MCM9: variants seen among roughly 807,000 people sequenced by gnomAD.
MCM9 encodes DNA helicase MCM9.
MCM9 carries 55 observed loss-of-function variants against 72.8 expected under a neutral mutation model. That is an observed-to-expected ratio of 0.76 (90% CI 0.61 to 0.95). The LOEUF (loss-of-function observed/expected upper bound fraction) is 0.95. MCM9 is among the 40% of genes least tolerant of loss of function. The probability of loss-of-function intolerance (pLI) is 0.00; values close to 1 mark genes in which losing one functional copy is unlikely to be tolerated. For missense variants in MCM9, 1,279 were observed against 1,377.0 expected, an observed-to-expected ratio of 0.93 and a Z score of 1.13; for synonymous variants, 480 against 503.4, an observed-to-expected ratio of 0.95 and a Z score of 0.62.
At chr6:118,886,058 A>T (rs1302862738) in intron 8 of MCM9, among the ~76,000 whole-genome samples, 2 of 147,020 alleles carry the variant, frequency 1.4e-5, no homozygotes, top group African/African-American at 5.3e-5. Flanking sequence ...AAGGGACCAA[A>T]AAAAAAAAAC....
intron 9 of MCM9, among the ~76,000 whole-genome samples, chr6:118,837,327 A>G (rs1049150540): frequency 6.6e-6 from 1 of 152,232 alleles, no homozygotes; most frequent in Non-Finnish European, 1.5e-5. Flanking sequence ...TGTGGTGCTG[A>G]GAAGAATGTA....
At chr6:118,856,258 T>C (rs1776546384) in intron 9 of MCM9, 113 bp downstream of exon 9, 11 of 1,031,506 alleles carry the variant, frequency 1.1e-5, no homozygotes, top group Non-Finnish European at 1.2e-5. Context: ...GGGTGGTAAC[T>C]GATCATCCCA....
intron 9 of MCM9, among the ~76,000 whole-genome samples, chr6:118,841,388 C>G (rs763847333): frequency 2.8e-4 from 43 of 152,152 alleles, no homozygotes; most frequent in Non-Finnish European, 4.7e-4. Context: ...CTCTGGCCCC[C>G]CCTTAACCAG....
chr6:118,868,170 C>T (rs1437069055), intron 8 of MCM9, among the ~76,000 whole-genome samples: 1 of 152,072 alleles, frequency 6.6e-6, no homozygotes, highest in African/African-American at 2.4e-5. Flanking sequence ...CCACTGCACT[C>T]AGCCAATTAA....
At chr6:118,891,252 C>A (rs1440607426) in intron 8 of MCM9, among the ~76,000 whole-genome samples, 2 of 152,166 alleles carry the variant, frequency 1.3e-5, no homozygotes, top group Non-Finnish European at 2.9e-5. Context: ...CCCTTACTGG[C>A]ATGGCTAAAG....
At chr6:118,894,870 C>T (rs1779251613) in intron 8 of MCM9, among the ~76,000 whole-genome samples, 1 of 152,154 alleles carries the variant, frequency 6.6e-6, no homozygotes, top group Non-Finnish European at 1.5e-5. Context: ...CCAACAGCCT[C>T]CGCGACCCTC....
chr6:118,931,275 G>T, intron 3 of MCM9, 145 bp downstream of exon 3: 3 of 704,836 alleles, frequency 4.3e-6, no homozygotes, highest in Admixed American at 3.0e-5. Flanking sequence ...TTATTATTCT[G>T]CTCTAAAAGA....
chr6:118,905,634 C>T, intron 8 of MCM9: 1 of 1,574,658 alleles, frequency 6.4e-7, no homozygotes, highest in East Asian at 2.3e-5. Context: ...TGTTTCTTTT[C>T]TTTTTAATTT....
intron 8 of MCM9, among the ~76,000 whole-genome samples, chr6:118,858,464 T>A (rs1776706223): frequency 6.6e-6 from 1 of 152,088 alleles, no homozygotes; most frequent in African/African-American, 2.4e-5. Flanking sequence ...AAAGCAAGAT[T>A]TTTTTCTTAT....
rs1038932966 is a variant in MCM9, at chr6:118,911,071, C to A, written c.1150+579G>T. 5.1e-6 allele frequency: 5 copies of A among 983,938 alleles called. No homozygotes were observed. The African/African-American group carries it at 8.8e-5, about 17-fold the overall frequency. 61.0% of individuals were successfully genotyped at this position (983,938 alleles called of 1,614,324 possible). On this transcript the variant is annotated intron_variant, in intron 8 of 13. Transcript: ENST00000619706. Reference sequence around the variant, plus strand: ...TTTAAAATAATTTTTTTCTAAATTCCCTGGGTCACTTTATTTATAATCAAA... The same window carrying A: ...TTTAAAATAATTTTTTTCTAAATTCACTGGGTCACTTTATTTATAATCAAA...
intron 8 of MCM9, among the ~76,000 whole-genome samples, chr6:118,904,288 A>T (rs1780014213): frequency 6.6e-6 from 1 of 152,230 alleles, no homozygotes; most frequent in Non-Finnish European, 1.5e-5. Context: ...TTTTTAGCCT[A>T]GGACACTAGG....
chr6:118,843,657 T>TACAC (rs1378043575), intron 9 of MCM9, among the ~76,000 whole-genome samples: 1 of 33,848 alleles, frequency 3.0e-5, no homozygotes, highest in African/African-American at 1.1e-4. Flanking sequence ...TATATATATG[T>TACAC]GTATATATAT....
chr6:118,885,964 T>C (rs534366986), intron 8 of MCM9, among the ~76,000 whole-genome samples: 2 of 151,700 alleles, frequency 1.3e-5, no homozygotes, highest in South Asian at 4.2e-4. Context: ...TTATACACCA[T>C]GACCAAGTGG....
Position 118,815,456 on chromosome 6 carries a change from A to G in MCM9, c.2800T>C (p.Ser934Pro). The G allele has an allele frequency of 5.2e-6, 8 of 1,550,080 alleles. No individual in the cohort carries two copies. The highest frequency in any genetic ancestry group is 7.0e-6 in the Non-Finnish European group (8 of 1,146,856). ...GACACATGGCTGTGATCTTCAAAGG[A>G]GTGGATCAGTTTTGACTTCTGCTTG... Reference protein sequence around the residue: ...TFKQKSKLIHSFEDHSHVSPG... With the variant: ...TFKQKSKLIHPFEDHSHVSPG... Residue 934 changes from serine (S) to proline (P), a missense_variant, in exon 14 of 14, where the codon TCC (serine) becomes CCC (proline). Transcript: ENST00000619706.
At chr6:118,876,942 G>T (rs946871239) in intron 8 of MCM9, among the ~76,000 whole-genome samples, 1 of 152,162 alleles carries the variant, frequency 6.6e-6, no homozygotes, top group Non-Finnish European at 1.5e-5. Flanking sequence ...AGAGCTTTGT[G>T]ACTGCCTTGA....
At chr6:118,886,352 AAGAG>A (rs888227703) in intron 8 of MCM9, among the ~76,000 whole-genome samples, 14 of 151,384 alleles carry the variant, frequency 9.2e-5, no homozygotes, top group African/African-American at 1.7e-4. Flanking sequence ...AAAAAGAAAA[AAGAG>A]AGAGAGAGAG....
At chr6:118,861,369 C>T (rs1776894046) in intron 8 of MCM9, among the ~76,000 whole-genome samples, 1 of 152,230 alleles carries the variant, frequency 6.6e-6, no homozygotes, top group Non-Finnish European at 1.5e-5. Flanking sequence ...TCCTTCTCGT[C>T]ACCCACAATG....
At chr6:118,859,124 A>AT (rs932385486) in intron 8 of MCM9, among the ~76,000 whole-genome samples, 11 of 152,200 alleles carry the variant, frequency 7.2e-5, no homozygotes, top group Admixed American at 2.6e-4. Flanking sequence ...AGGTCAAGTG[A>AT]TTTTTTATAG....
At chr6:118,924,474 T>C (rs62422260) in intron 3 of MCM9, among the ~76,000 whole-genome samples, 1,824 of 152,286 alleles carry the variant, frequency 0.012, 25 homozygotes, top group Non-Finnish European at 0.014. Context: ...TTTAACGGCA[T>C]TTAACAAAAA....
Sources: allele counts gnomAD v4.1 joint callset (sites outside exome capture counted in the v4.1 genomes callset), GRCh38; gene constraint gnomAD v4.1.1; transcripts MANE v1.5; gene names NCBI Gene and HGNC (gene_info 2026-07-23, HGNC 2026-07-21).